Variants in ZNF536 observed in about 807,000 individuals in gnomAD.
The protein encoded by ZNF536 is zinc finger protein 536.
A neutral mutation model predicts 84.5 loss-of-function variants in ZNF536; 13 were observed. The ratio of observed to expected loss-of-function variants is 0.15; its 90% CI spans 0.10 to 0.24. ZNF536 has a LOEUF of 0.24. Among genes scored for constraint, ZNF536 ranks in the 10% least tolerant of loss-of-function variants. The probability of loss-of-function intolerance (pLI) is 1.00; values close to 1 mark genes in which losing one functional copy is unlikely to be tolerated. For missense variants in ZNF536, 1,536 were observed against 1,747.5 expected (o/e 0.88, Z 2.16); for synonymous variants, 811 against 742.5 (o/e 1.09, Z -1.50).
intron 2 of ZNF536, among the ~76,000 whole-genome samples, chr19:30,502,087 G>A (rs369312464): frequency 1.3e-5 from 2 of 152,188 alleles, no homozygotes; most frequent in East Asian, 3.9e-4. Context: ...GCCCATGGAC[G>A]AAGTTGACAT....
intron 1 of ZNF536, among the ~76,000 whole-genome samples, chr19:30,380,918 C>A (rs1038388320): frequency 6.6e-6 from 1 of 151,908 alleles, no homozygotes; most frequent in Admixed American, 6.6e-5. Flanking sequence ...ACTCTGTCAC[C>A]CAGGCTGGAG....
Position 30,549,455 on chromosome 19 carries a change from T to C in ZNF536, c.3836T>C (p.Phe1279Ser). Residue 1279 changes from phenylalanine to serine, a missense_variant, in exon 4 of 5, where the codon TTT becomes TCT. Coordinates refer to ENST00000355537, the MANE Select transcript of ZNF536 (RefSeq NM_014717.3). ...RAYSSDGLAA[F>S]NGLASSTANS... ...TACAGTTCTGATGGCTTAGCAGCCT[T>C]TAACGGACTTGCAAGTAGCACAGCA... 1 of 1,526,624 alleles carries C rather than the reference T, an allele frequency of 6.6e-7. No individual in the cohort carries two copies. Among genetic ancestry groups the C allele is most frequent in the South Asian group, 1.3e-5 (1 of 76,682 alleles). 94.6% of individuals were successfully genotyped at this position (1,526,624 alleles called of 1,614,324 possible).
intron 1 of ZNF536, among the ~76,000 whole-genome samples, chr19:30,637,920 A>G (rs2147302347): frequency 6.6e-6 from 1 of 152,274 alleles, no homozygotes. Flanking sequence ...TGTTATGTAG[A>G]CAAAATAGAT....
At chr19:30,342,735 A>G (rs1352619077) in intron 2 of ZNF536, among the ~76,000 whole-genome samples, 3 of 152,252 alleles carry the variant, frequency 2.0e-5, no homozygotes, top group Non-Finnish European at 4.4e-5. Flanking sequence ...CCCAACAACA[A>G]TTATTGAGGA....
At chr19:30,486,842 T>C (rs994910432) in intron 2 of ZNF536, among the ~76,000 whole-genome samples, 1 of 152,224 alleles carries the variant, frequency 6.6e-6, no homozygotes, top group African/African-American at 2.4e-5. Context: ...TTGGTCCTAG[T>C]ACTCCACAAA....
At chr19:30,419,013 G>C (rs1218119070) in intron 1 of ZNF536, among the ~76,000 whole-genome samples, 1 of 151,988 alleles carries the variant, frequency 6.6e-6, no homozygotes, top group Non-Finnish European at 1.5e-5. Flanking sequence ...AACTAATTTG[G>C]AAAATACACA....
intron 1 of ZNF536, among the ~76,000 whole-genome samples, chr19:30,440,503 C>T (rs936220145): frequency 1.3e-5 from 2 of 152,190 alleles, no homozygotes; most frequent in Non-Finnish European, 2.9e-5. Flanking sequence ...ACACACTGAA[C>T]CTAAGATAAG....
intron 2 of ZNF536, among the ~76,000 whole-genome samples, chr19:30,329,491 G>A (rs563374924): frequency 1.3e-5 from 2 of 152,240 alleles, no homozygotes; most frequent in South Asian, 2.1e-4. Flanking sequence ...TTAAGTTTTT[G>A]GAGTTCTGTT....
chr19:30,458,974 C>T (rs1177454220), intron 2 of ZNF536, among the ~76,000 whole-genome samples: 1 of 152,168 alleles, frequency 6.6e-6, no homozygotes, highest in Non-Finnish European at 1.5e-5. Flanking sequence ...TAACTGTGGC[C>T]GAGGACTCTG....
At chr19:30,309,121 A>G (rs918145422) in intron 2 of ZNF536, among the ~76,000 whole-genome samples, 1 of 152,204 alleles carries the variant, frequency 6.6e-6, no homozygotes, top group African/African-American at 2.4e-5. Flanking sequence ...GGGAATCAAA[A>G]CAAACAAAAA....
chr19:30,533,654 T>G (rs893020466), intron 2 of ZNF536, among the ~76,000 whole-genome samples: 27 of 152,252 alleles, frequency 1.8e-4, no homozygotes, highest in African/African-American at 6.5e-4. Context: ...TTTCCATTGC[T>G]TGGAAGGCAC....
chr19:30,442,355 A>G (rs944023554), intron 1 of ZNF536, among the ~76,000 whole-genome samples: 2 of 152,248 alleles, frequency 1.3e-5, no homozygotes, highest in African/African-American at 4.8e-5. Flanking sequence ...GCTTTGAACG[A>G]TAGTGTTTAA....
chr19:30,621,440 T>G (rs1462316600), intron 1 of ZNF536, among the ~76,000 whole-genome samples: 1 of 151,894 alleles, frequency 6.6e-6, no homozygotes, highest in Non-Finnish European at 1.5e-5. Flanking sequence ...CTCTTCTCAG[T>G]GGGGGGACTC....
intron 1 of ZNF536, among the ~76,000 whole-genome samples, chr19:30,247,854 T>A (rs1253923188): frequency 6.6e-6 from 1 of 152,186 alleles, no homozygotes; most frequent in Non-Finnish European, 1.5e-5. Flanking sequence ...AAATTATAAG[T>A]AAATAAACAT....
intron 2 of ZNF536, among the ~76,000 whole-genome samples, chr19:30,307,612 G>T (rs891794911): frequency 1.3e-5 from 2 of 152,030 alleles, no homozygotes; most frequent in Non-Finnish European, 2.9e-5. Context: ...CCCTTCTCCT[G>T]ATACGTCCCT....
chr19:30,510,282 G>T (rs960940666), intron 2 of ZNF536, among the ~76,000 whole-genome samples: 1 of 152,216 alleles, frequency 6.6e-6, no homozygotes, highest in Non-Finnish European at 1.5e-5. Flanking sequence ...AATTCAAAAT[G>T]TACTGCTGAT....
chr19:30,596,050 ACCATGGG>A (rs1239643049), intron 1 of ZNF536, among the ~76,000 whole-genome samples: 2 of 152,180 alleles, frequency 1.3e-5, no homozygotes, highest in Non-Finnish European at 1.5e-5. Flanking sequence ...GCTTTCTGTG[ACCATGGG>A]CTAATTCCCA....
intron 2 of ZNF536, among the ~76,000 whole-genome samples, chr19:30,313,585 C>A (rs2046577475): frequency 6.6e-6 from 1 of 152,222 alleles, no homozygotes; most frequent in African/African-American, 2.4e-5. Context: ...ACCCCATGAC[C>A]TCCAAAGCCT....
At chr19:30,576,518 G>T (rs1007396170) in intron 1 of ZNF536, among the ~76,000 whole-genome samples, 1 of 152,150 alleles carries the variant, frequency 6.6e-6, no homozygotes, top group Admixed American at 6.5e-5. Context: ...ACCTCCTGGG[G>T]AATTGACAGC....
Sources: gnomAD v4.1 joint callset for allele counts (sites outside exome capture counted in the v4.1 genomes callset) on GRCh38, gnomAD v4.1.1 for gene constraint, MANE v1.5 for transcripts, NCBI Gene and HGNC (gene_info 2026-07-23, HGNC 2026-07-21) for gene names.